The following PRKN variants were observed in gnomAD, a reference collection of about 807,000 sequenced individuals.
PRKN encodes the protein E3 ubiquitin-protein ligase parkin.
In PRKN, 56 loss-of-function variants were observed where a neutral mutation model predicts 59.5. The ratio of observed to expected loss-of-function variants is 0.94; its 90% CI spans 0.76 to 1.18. The LOEUF is 1.18. PRKN is among the 50% of genes most tolerant of loss of function. The pLI, the probability that PRKN is intolerant of heterozygous loss-of-function variation, is 0.00. For synonymous variants in PRKN, 250 were observed against 222.1 expected (o/e 1.13, Z -1.12); for missense variants, 657 against 596.4 (o/e 1.10, Z -1.06).
chr6:162,396,189 A>G (rs1787466847), intron 2 of PRKN, among the ~76,000 whole-genome samples: 1 of 152,142 alleles, frequency 6.6e-6, no homozygotes, highest in Non-Finnish European at 1.5e-5. Flanking sequence ...TTGTATATGT[A>G]CTAAACCAGC....
intron 1 of PRKN, among the ~76,000 whole-genome samples, chr6:162,660,215 C>CAAAGCA: frequency 6.6e-6 from 1 of 152,244 alleles, no homozygotes; most frequent in Non-Finnish European, 1.5e-5. Flanking sequence ...TTTTAAGCTT[C>CAAAGCA]AAAGCATGTC....
chr6:162,291,787 T>C (rs550468533), intron 2 of PRKN, among the ~76,000 whole-genome samples: 18 of 152,090 alleles, frequency 1.2e-4, no homozygotes, highest in Non-Finnish European at 2.5e-4. Context: ...CAAAGACGTT[T>C]TCTCCATTAT....
chr6:162,129,426 A>T (rs1781252630), intron 4 of PRKN, among the ~76,000 whole-genome samples: 1 of 152,182 alleles, frequency 6.6e-6, no homozygotes, highest in Non-Finnish European at 1.5e-5. Flanking sequence ...ACTAACATAG[A>T]TGAGGCAGAA....
intron 3 of PRKN, among the ~76,000 whole-genome samples, chr6:162,243,264 T>G (rs1056170461): frequency 6.6e-6 from 1 of 152,228 alleles, no homozygotes; most frequent in South Asian, 2.1e-4. Context: ...GGATATAAAT[T>G]TTTGCATTTA....
intron 3 of PRKN, among the ~76,000 whole-genome samples, chr6:162,249,650 C>T (rs962402509): frequency 6.6e-6 from 1 of 151,760 alleles, no homozygotes; most frequent in African/African-American, 2.4e-5. Context: ...AAAGTCAAAT[C>T]TAAGATTCCT....
Position 162,712,583 on chromosome 6 carries a change from G to A in PRKN, c.7+15079C>T, listed in dbSNP as rs1158386771. Reference sequence around the variant, plus strand: ...TAAAGCCCCTTAATCTCTGACCCATGTCTCATATCTTTTGCCAGTCTCCAT... The same window carrying A: ...TAAAGCCCCTTAATCTCTGACCCATATCTCATATCTTTTGCCAGTCTCCAT... On this transcript the variant is annotated intron_variant, in intron 1 of 11. Transcript: ENST00000366898. 5.9e-5 allele frequency among the ~76,000 whole-genome samples: 9 copies of A among 152,296 alleles called. No individual in the cohort carries two copies. The South Asian group carries it at 1.7e-3, about 28-fold the overall frequency.
intron 6 of PRKN, among the ~76,000 whole-genome samples, chr6:161,920,100 C>T (rs1778721558): frequency 6.6e-6 from 1 of 152,154 alleles, no homozygotes; most frequent in African/African-American, 2.4e-5. Context: ...AACCATAACA[C>T]CGGCTGGGCG....
Position 161,444,011 on chromosome 6 carries a change from A to T in PRKN, c.1084-57134T>A, listed in dbSNP as rs1423032302. On this transcript the variant is annotated intron_variant, in intron 9 of 11. Transcript: ENST00000366898. This position sits in a 1 kb window ranked among gnomAD's most constrained non-coding sequence, Gnocchi z 5.6. Reference sequence around the variant, plus strand: ...TTACATGAAATTCGATTCAGTGTGCACGAACTAACTAGGAGGCGCCAGGCT... The same window carrying T: ...TTACATGAAATTCGATTCAGTGTGCTCGAACTAACTAGGAGGCGCCAGGCT... 6.6e-6 allele frequency among the ~76,000 whole-genome samples: 1 copy of T among 152,262 alleles called. No homozygotes were observed. The highest frequency in any genetic ancestry group is 1.5e-5 in the Non-Finnish European group (1 of 68,048).
intron 5 of PRKN, among the ~76,000 whole-genome samples, chr6:162,040,082 G>A (rs527450575): frequency 6.6e-6 from 1 of 152,284 alleles, no homozygotes; most frequent in African/African-American, 2.4e-5. Flanking sequence ...TTGTCTGAAA[G>A]CTCACTTGTT....
chr6:162,134,547 A>G (rs533607061), intron 4 of PRKN, among the ~76,000 whole-genome samples: 111 of 152,296 alleles, frequency 7.3e-4, no homozygotes, highest in African/African-American at 2.6e-3. Context: ...CTTCAAGGAC[A>G]TGGAATTTAT....
At chr6:162,503,338 AT>A (rs1201392110) in intron 1 of PRKN, among the ~76,000 whole-genome samples, 3 of 151,536 alleles carry the variant, frequency 2.0e-5, no homozygotes, top group African/African-American at 7.3e-5. Flanking sequence ...AATTTTTGGT[AT>A]TTTGAGTAGA....
chr6:162,228,347 A>G (rs188568207), intron 3 of PRKN, among the ~76,000 whole-genome samples: 56 of 152,342 alleles, frequency 3.7e-4, no homozygotes, highest in Non-Finnish European at 4.4e-4. Context: ...GATGCAAAGC[A>G]TAAGTGGGTC....
intron 7 of PRKN, among the ~76,000 whole-genome samples, chr6:161,659,844 T>G (rs1433572248): frequency 1.3e-5 from 2 of 152,096 alleles, no homozygotes; most frequent in Non-Finnish European, 2.9e-5. Context: ...CCACACTTAT[T>G]CAGGTTCTAC....
intron 1 of PRKN, among the ~76,000 whole-genome samples, chr6:162,680,157 T>C (rs1041786784): frequency 3.3e-5 from 5 of 151,402 alleles, no homozygotes; most frequent in African/African-American, 1.2e-4. Flanking sequence ...ATACACTTAA[T>C]ATATACTTAA....
intron 1 of PRKN, among the ~76,000 whole-genome samples, chr6:162,578,487 T>C (rs1780650934): frequency 1.3e-5 from 2 of 152,176 alleles, no homozygotes; most frequent in Non-Finnish European, 1.5e-5. Flanking sequence ...AGCATAAATA[T>C]TTCTTATAAT....
intron 2 of PRKN, among the ~76,000 whole-genome samples, chr6:162,351,867 A>C (rs571148309): frequency 2.0e-5 from 3 of 152,036 alleles, no homozygotes; most frequent in Non-Finnish European, 4.4e-5. Context: ...TGTTTATTAA[A>C]ATATATGTAA....
At chr6:161,947,728 G>C (rs767345895) in intron 6 of PRKN, among the ~76,000 whole-genome samples, 2 of 152,194 alleles carry the variant, frequency 1.3e-5, no homozygotes, top group Non-Finnish European at 2.9e-5. Flanking sequence ...CACATCAAAA[G>C]ATGATTTAAT....
chr6:162,058,893 A>G (rs1374362388), intron 4 of PRKN, among the ~76,000 whole-genome samples: 1 of 148,834 alleles, frequency 6.7e-6, no homozygotes, highest in African/African-American at 2.5e-5. Flanking sequence ...CAGAGATTGC[A>G]GTGGGCCGAG....
chr6:162,520,182 T>G (rs1778030596), intron 1 of PRKN, among the ~76,000 whole-genome samples: 1 of 152,060 alleles, frequency 6.6e-6, no homozygotes, highest in South Asian at 2.1e-4. Flanking sequence ...TCATTTACCT[T>G]CCAAAGAAGA....
Sources: gnomAD v4.1 joint callset for allele counts (sites outside exome capture counted in the v4.1 genomes callset) on GRCh38, gnomAD v4.1.1 for gene constraint, Gnocchi (gnomAD v3.1) non-coding constraint, MANE v1.5 for transcripts, NCBI Gene and HGNC (gene_info 2026-07-23, HGNC 2026-07-21) for gene names.